PKIB: variants seen among roughly 807,000 people sequenced by gnomAD.
The protein encoded by PKIB is cAMP-dependent protein kinase inhibitor beta.
A neutral mutation model predicts 4.5 loss-of-function variants in PKIB; 2 were observed. The ratio of observed to expected loss-of-function variants is 0.44; its 90% CI spans 0.18 to 1.39. The LOEUF is 1.39. Among genes scored for constraint, PKIB ranks in the 40% most tolerant of loss-of-function variants. PKIB has a pLI of 0.27. For missense variants in PKIB, 94 were observed against 92.6 expected (o/e 1.02, Z -0.06); for synonymous variants, 38 against 36.0 (o/e 1.06, Z -0.20).
chr6:122,648,467 A>G (rs949063911), intron 2 of PKIB, among the ~76,000 whole-genome samples: 1 of 152,204 alleles, frequency 6.6e-6, no homozygotes, highest in African/African-American at 2.4e-5. Flanking sequence ...TAGGCACTAT[A>G]ACTGAGTTTT....
At chr6:122,513,809 TC>T (rs1383507212) in intron 2 of PKIB, among the ~76,000 whole-genome samples, 1 of 152,194 alleles carries the variant, frequency 6.6e-6, no homozygotes, top group Non-Finnish European at 1.5e-5. Context: ...GGACATGACT[TC>T]GTTCTTTTTA....
intron 2 of PKIB, among the ~76,000 whole-genome samples, chr6:122,635,993 T>C (rs562472836): frequency 1.4e-3 from 206 of 152,306 alleles, no homozygotes; most frequent in African/African-American, 4.8e-3. Flanking sequence ...AAAAGACTAA[T>C]ATTTTCTTCA....
At chr6:122,679,763 G>T (rs150020402) in intron 3 of PKIB, among the ~76,000 whole-genome samples, 1 of 152,194 alleles carries the variant, frequency 6.6e-6, no homozygotes, top group Non-Finnish European at 1.5e-5. Flanking sequence ...TTTGTCCTGG[G>T]GCTCTTCAAT....
At chr6:122,663,943 C>G (rs114410355) in intron 2 of PKIB, among the ~76,000 whole-genome samples, 3,219 of 152,214 alleles carry the variant, frequency 0.021, 105 homozygotes, top group African/African-American at 0.075. Flanking sequence ...TGGAATCATT[C>G]TACTGAAAAT....
chr6:122,712,542 T>A (rs555465845), intron 3 of PKIB, among the ~76,000 whole-genome samples: 1 of 152,322 alleles, frequency 6.6e-6, no homozygotes, highest in African/African-American at 2.4e-5. Flanking sequence ...TCTGTCCATT[T>A]GTCAGTCTCT....
intron 2 of PKIB, chr6:122,479,290 G>A (rs1213913412): frequency 6.6e-6 from 1 of 152,090 alleles, no homozygotes; most frequent in Non-Finnish European, 1.5e-5. Flanking sequence ...ACACATTAAA[G>A]CAGTAATAAG....
intron 2 of PKIB, among the ~76,000 whole-genome samples, chr6:122,660,532 G>C (rs562146638): frequency 2.6e-5 from 4 of 152,268 alleles, no homozygotes; most frequent in South Asian, 4.1e-4. Context: ...GGCTGAGAAG[G>C]CTTTGTATAT....
At chr6:122,568,225 T>A (rs963827312) in intron 2 of PKIB, among the ~76,000 whole-genome samples, 1 of 152,184 alleles carries the variant, frequency 6.6e-6, no homozygotes, top group Non-Finnish European at 1.5e-5. Context: ...AATGTTTACT[T>A]GTTTAAAAAG....
intron 2 of PKIB, among the ~76,000 whole-genome samples, chr6:122,495,119 C>T (rs1169964910): frequency 6.6e-6 from 1 of 152,194 alleles, no homozygotes; most frequent in African/African-American, 2.4e-5. Context: ...GTGGCCCTGC[C>T]CCCAATCCAA....
chr6:122,496,021 C>T (rs1436912760), intron 2 of PKIB, among the ~76,000 whole-genome samples: 2 of 152,158 alleles, frequency 1.3e-5, no homozygotes, highest in African/African-American at 2.4e-5. Context: ...CCAGCTCAAC[C>T]CAGCTGTGTC....
intron 2 of PKIB, among the ~76,000 whole-genome samples, chr6:122,500,952 A>C (rs1342746182): frequency 6.6e-6 from 1 of 152,184 alleles, no homozygotes; most frequent in African/African-American, 2.4e-5. Flanking sequence ...GAACTCATTC[A>C]CTACCACAAG....
intron 3 of PKIB, among the ~76,000 whole-genome samples, chr6:122,684,590 G>T (rs1208596311): frequency 6.6e-6 from 1 of 152,074 alleles, no homozygotes; most frequent in Non-Finnish European, 1.5e-5. Flanking sequence ...TTATAAGTTT[G>T]CCCTAGAAGT....
At chr6:122,640,524 C>G (rs1211132461) in intron 2 of PKIB, among the ~76,000 whole-genome samples, 2 of 152,264 alleles carry the variant, frequency 1.3e-5, no homozygotes, top group Admixed American at 6.5e-5. Flanking sequence ...GTGACATGTT[C>G]AAAGAGAGCC....
chr6:122,472,570 T>C (rs148836667), intron 1 of PKIB, among the ~76,000 whole-genome samples: 1 of 152,332 alleles, frequency 6.6e-6, no homozygotes, highest in African/African-American at 2.4e-5. Flanking sequence ...TTTAGAGTTA[T>C]TTGTTCTTGA....
Position 122,725,024 on chromosome 6 carries a change from C to G in PKIB, c.170-104C>G, listed in dbSNP as rs1328173079. 4.6e-6 allele frequency: 4 copies of G among 860,682 alleles called. No homozygotes were observed. The Admixed American group carries it at 1.1e-4, about 23-fold the overall frequency. 53.3% of individuals were successfully genotyped at this position (860,682 alleles called of 1,614,324 possible). ...ATAGTTTCCATATCTGAATTGAGGG[C>G]AAAATATGGACGGTGGACAAAGGAA... On this transcript the variant is annotated intron_variant, in intron 4 of 4. Coordinates refer to ENST00000368452, the MANE Select transcript of PKIB (RefSeq NM_181795.3).
At chr6:122,532,420 GCA>G (rs748984091) in intron 2 of PKIB, among the ~76,000 whole-genome samples, 2 of 151,908 alleles carry the variant, frequency 1.3e-5, no homozygotes, top group Non-Finnish European at 2.9e-5. Context: ...TTTTTTTTAA[GCA>G]GACAAGTCAT....
At chr6:122,514,973 A>G (rs1186958752) in intron 2 of PKIB, among the ~76,000 whole-genome samples, 1 of 152,210 alleles carries the variant, frequency 6.6e-6, no homozygotes, top group Admixed American at 6.5e-5. Flanking sequence ...GCAAGAGTAA[A>G]TGGTACAGTT....
At chr6:122,672,761 TA>T (rs1335613904) in intron 2 of PKIB, among the ~76,000 whole-genome samples, 1 of 151,664 alleles carries the variant, frequency 6.6e-6, no homozygotes, top group Non-Finnish European at 1.5e-5. Context: ...ATTAGACTAT[TA>T]GGATAGTAAT....
chr6:122,651,460 A>G (rs1474421385), intron 2 of PKIB, among the ~76,000 whole-genome samples: 1 of 152,184 alleles, frequency 6.6e-6, no homozygotes, highest in Non-Finnish European at 1.5e-5. Flanking sequence ...CTACCTCAGG[A>G]GCAGCCATTA....
Sources: gnomAD v4.1 joint callset for allele counts (sites outside exome capture counted in the v4.1 genomes callset) on GRCh38, gnomAD v4.1.1 for gene constraint, MANE v1.5 for transcripts, NCBI Gene and HGNC (gene_info 2026-07-23, HGNC 2026-07-21) for gene names.